TCEA3: variants seen among roughly 807,000 people sequenced by gnomAD.
The protein encoded by TCEA3 is transcription elongation factor A3.
TCEA3 carries 36 observed loss-of-function variants against 44.0 expected under a neutral mutation model. The observed-to-expected ratio is 0.82, with a 90% CI of 0.63 to 1.08. The LOEUF is 1.08. Ranked by LOEUF, TCEA3 falls within the 50% of genes least tolerant of loss-of-function variation. TCEA3 has a pLI of 0.00. For synonymous variants in TCEA3, 162 were observed against 159.7 expected, an observed-to-expected ratio of 1.01 and a Z score of -0.11; for missense variants, 392 against 441.2, an observed-to-expected ratio of 0.89 and a Z score of 1.00.
intron 7 of TCEA3, among the ~76,000 whole-genome samples, chr1:23,396,394 A>AT (rs143831328): frequency 2.6e-5 from 4 of 151,806 alleles, no homozygotes; most frequent in Non-Finnish European, 4.4e-5. Context: ...GTGGGGTGGG[A>AT]TTTTTTTTCT....
At chr1:23,388,600 A>C (rs1638924687) in intron 8 of TCEA3, among the ~76,000 whole-genome samples, 1 of 152,114 alleles carries the variant, frequency 6.6e-6, no homozygotes, top group African/African-American at 2.4e-5. Flanking sequence ...CATTATAACC[A>C]CTTAGGCTTC....
chr1:23,411,780 T>C (rs1363743381), intron 4 of TCEA3, among the ~76,000 whole-genome samples: 1 of 152,234 alleles, frequency 6.6e-6, no homozygotes, highest in Non-Finnish European at 1.5e-5. Flanking sequence ...ATTCCTTTAC[T>C]ATTACTCCTT....
intron 5 of TCEA3, among the ~76,000 whole-genome samples, chr1:23,408,228 C>T (rs1281326839): frequency 6.6e-6 from 1 of 152,162 alleles, no homozygotes; most frequent in Non-Finnish European, 1.5e-5. Context: ...TTCCAAAGTG[C>T]TGGGATTACA....
At chr1:23,396,938 T>C (rs746118463) in intron 7 of TCEA3, among the ~76,000 whole-genome samples, 5 of 145,598 alleles carry the variant, frequency 3.4e-5, no homozygotes, top group Admixed American at 1.5e-4. Context: ...CCAGAAGTTG[T>C]AGGTTGCAGT....
intron 1 of TCEA3, among the ~76,000 whole-genome samples, chr1:23,420,355 C>T (rs879475144): frequency 1.3e-5 from 2 of 152,228 alleles, no homozygotes; most frequent in Non-Finnish European, 2.9e-5. Flanking sequence ...GATCCTCCCA[C>T]CTCAGCCTCC....
chr1:23,412,188 G>A (rs1639730533), intron 4 of TCEA3: 1 of 152,178 alleles, frequency 6.6e-6, no homozygotes. Context: ...GTTTGCTACA[G>A]TCTCATTTCC....
Position 23,382,037 on chromosome 1 carries a change from AT to A in TCEA3, c.1039-564del, listed in dbSNP as rs1471272512. ...TACAATCACTCTGAGATAGGCACTAATATCACTCCCAATTTTTTTTTTTTTT... is the reference window on the plus strand; with the variant it reads ...TACAATCACTCTGAGATAGGCACTAAATCACTCCCAATTTTTTTTTTTTTT... On this transcript the variant is annotated intron_variant, in intron 10 of 10. Coordinates refer to ENST00000450454, the MANE Select transcript of TCEA3 (RefSeq NM_003196.3). 2.0e-5 allele frequency among the ~76,000 whole-genome samples: 3 copies of A among 148,064 alleles called. No homozygotes were observed. The East Asian group carries it at 6.0e-4, about 30-fold the overall frequency.
intron 7 of TCEA3, among the ~76,000 whole-genome samples, chr1:23,395,619 A>G (rs914983343): frequency 6.6e-6 from 1 of 152,148 alleles, no homozygotes; most frequent in Non-Finnish European, 1.5e-5. Context: ...TGAGGTCAGG[A>G]GTTCAAGACC....
chr1:23,385,037 C>A (rs1331259224), intron 9 of TCEA3, among the ~76,000 whole-genome samples: 4 of 152,096 alleles, frequency 2.6e-5, no homozygotes, highest in African/African-American at 7.2e-5. Flanking sequence ...AGACCTGAGG[C>A]CCAGAGAGGG....
intron 3 of TCEA3, 75 bp downstream of exon 3, chr1:23,417,829 G>T: frequency 1.5e-6 from 2 of 1,361,498 alleles, no homozygotes; most frequent in Non-Finnish European, 2.1e-6. Flanking sequence ...CTGAGTGCTG[G>T]CTATGAGCCA....
chr1:23,410,438 A>T (rs1639674787), intron 4 of TCEA3, among the ~76,000 whole-genome samples: 1 of 152,132 alleles, frequency 6.6e-6, no homozygotes, highest in African/African-American at 2.4e-5. Context: ...TAGCAAGATA[A>T]ATAAAAAGGT....
intron 2 of TCEA3, chr1:23,418,346 A>G: frequency 7.5e-6 from 2 of 265,136 alleles, no homozygotes; most frequent in Admixed American, 9.2e-5. Context: ...GAGTCTCGCT[A>G]TGTTGCCCAG....
chr1:23,408,433 A>C (rs1639614665), intron 5 of TCEA3: 1 of 470,630 alleles, frequency 2.1e-6, no homozygotes, highest in Non-Finnish European at 3.8e-6. Context: ...AAATGAATGA[A>C]TACATGATGA....
intron 1 of TCEA3, among the ~76,000 whole-genome samples, chr1:23,419,919 A>G (rs1020175228): frequency 6.6e-6 from 1 of 152,322 alleles, no homozygotes; most frequent in East Asian, 1.9e-4. Context: ...GTAAAATTTG[A>G]TAAGTTTCAA....
At chr1:23,384,929 C>G (rs1205155287) in intron 9 of TCEA3, among the ~76,000 whole-genome samples, 1 of 152,108 alleles carries the variant, frequency 6.6e-6, no homozygotes, top group East Asian at 1.9e-4. Flanking sequence ...GAAGTATTCC[C>G]TGACTCACCC....
intron 3 of TCEA3, 92 bp from the exon 4 acceptor site, chr1:23,417,482 C>G: frequency 1.3e-6 from 2 of 1,493,854 alleles, no homozygotes; most frequent in South Asian, 1.4e-5. Context: ...AGGGCAGGGA[C>G]GAGGACAGCT....
intron 5 of TCEA3, among the ~76,000 whole-genome samples, chr1:23,400,828 A>G (rs983873571): frequency 7.2e-5 from 11 of 152,166 alleles, no homozygotes; most frequent in African/African-American, 2.4e-4. Flanking sequence ...CATTTACATT[A>G]GTAGCTTGGT....
intron 7 of TCEA3, among the ~76,000 whole-genome samples, chr1:23,395,353 C>T (rs780982313): frequency 2.6e-5 from 4 of 152,210 alleles, no homozygotes; most frequent in Admixed American, 6.5e-5. Flanking sequence ...ACCGGGGGCA[C>T]CGGCCCCTCA....
intron 4 of TCEA3, among the ~76,000 whole-genome samples, chr1:23,416,295 C>T (rs1027127075): frequency 2.6e-5 from 4 of 151,444 alleles, no homozygotes; most frequent in African/African-American, 7.3e-5. Flanking sequence ...GGTGAGATAC[C>T]GTACCCGGCC....
Sources: allele counts gnomAD v4.1 joint callset (sites outside exome capture counted in the v4.1 genomes callset), GRCh38; gene constraint gnomAD v4.1.1; transcripts MANE v1.5; gene names NCBI Gene and HGNC (gene_info 2026-07-23, HGNC 2026-07-21).